CSMD1: variants seen among roughly 807,000 people sequenced by gnomAD.
CSMD1 encodes CUB and Sushi multiple domains 1.
CSMD1 carries 213 observed loss-of-function variants against 417.5 expected under a neutral mutation model. The ratio of observed to expected loss-of-function variants is 0.51; its 90% CI spans 0.46 to 0.57. The LOEUF is 0.57. Ranked by LOEUF, CSMD1 falls within the 20% of genes least tolerant of loss-of-function variation. CSMD1 has a pLI of 0.00. For missense variants in CSMD1, 6,923 were observed against 4,529.7 expected (o/e 1.53, Z -15.17); for synonymous variants, 2,862 against 1,736.8 (o/e 1.65, Z -16.11).
chr8:4,857,509 T>C (rs894219042), intron 1 of CSMD1, among the ~76,000 whole-genome samples: 7 of 152,040 alleles, frequency 4.6e-5, no homozygotes, highest in African/African-American at 9.7e-5. Context: ...ACAAAATTGA[T>C]AGACCGCTAG....
At chr8:4,047,925 G>A (rs144047111) in intron 3 of CSMD1, among the ~76,000 whole-genome samples, 1 of 152,062 alleles carries the variant, frequency 6.6e-6, no homozygotes, top group Non-Finnish European at 1.5e-5. Context: ...ATAAAAATTA[G>A]GATTGTTTTC....
At position 4,354,796 on chromosome 8, in the gene CSMD1, G is replaced by C. The variant is rs182875762; in HGVS notation, c.415+65157C>G. ...CCTCCCAGAAAAATGAAAGCAAAAA[G>C]TTTATCAAACTTAGTATTATACCTG... is the stretch of plus-strand genomic sequence containing the variant. On this transcript the variant is annotated intron_variant, in intron 3 of 69. Coordinates refer to ENST00000635120, the MANE Select transcript of CSMD1 (RefSeq NM_033225.6). Among the ~76,000 whole-genome samples, 871 of 151,192 alleles carry C rather than the reference G, an allele frequency of 5.8e-3. 6 individuals are homozygous for C. The highest frequency in any genetic ancestry group is 9.7e-3 in the Non-Finnish European group (661 of 67,848).
chr8:4,105,533 A>G (rs1046197150), intron 3 of CSMD1, among the ~76,000 whole-genome samples: 5 of 152,192 alleles, frequency 3.3e-5, no homozygotes, highest in African/African-American at 9.7e-5. Flanking sequence ...TTTCTGCTGG[A>G]TGCAGACAAT....
chr8:3,703,400 G>A lies in CSMD1; in HGVS notation c.1009+5014C>T, dbSNP rs570820153. ...AGGCATAAATGAAAGAATCTATAGG[G>A]CTTTTGTTCCAAAGCACAGAGATTC... On this transcript the variant is annotated intron_variant, in intron 7 of 69. Coordinates refer to ENST00000635120, the MANE Select transcript of CSMD1 (RefSeq NM_033225.6). Among the ~76,000 whole-genome samples, 17 of 90,630 alleles carry A rather than the reference G, an allele frequency of 1.9e-4. No individual in the cohort carries two copies. In the East Asian group the frequency reaches 5.7e-3, roughly 31 times the overall value. The allele number at this position is 90,630 out of a possible 152,430, so 59.5% of individuals were successfully genotyped here.
At chr8:4,876,734 G>C (rs1803064426) in intron 1 of CSMD1, among the ~76,000 whole-genome samples, 1 of 151,964 alleles carries the variant, frequency 6.6e-6, no homozygotes, top group Non-Finnish European at 1.5e-5. Context: ...CCTCTTTCTT[G>C]TGTGCTGAGT....
chr8:3,984,002 C>A (rs1018088833), intron 5 of CSMD1, among the ~76,000 whole-genome samples: 1 of 148,280 alleles, frequency 6.7e-6, no homozygotes, highest in Non-Finnish European at 1.5e-5. Flanking sequence ...CAGGGCAGAT[C>A]TGATGGGGCT....
chr8:4,141,552 A>G (rs1803791588), intron 3 of CSMD1, among the ~76,000 whole-genome samples: 1 of 151,180 alleles, frequency 6.6e-6, no homozygotes, highest in Non-Finnish European at 1.5e-5. Flanking sequence ...AGGGGTTAAG[A>G]AGCTCTTACA....
intron 3 of CSMD1, among the ~76,000 whole-genome samples, chr8:4,065,841 A>G (rs891058683): frequency 3.3e-5 from 5 of 152,224 alleles, no homozygotes; most frequent in African/African-American, 1.2e-4. Flanking sequence ...AATATATTTT[A>G]AAACACACAC....
intron 46 of CSMD1, among the ~76,000 whole-genome samples, chr8:3,104,920 G>A (rs1488857975): frequency 4.6e-5 from 7 of 151,980 alleles, no homozygotes; most frequent in African/African-American, 1.4e-4. Flanking sequence ...TGGTCAGGCT[G>A]GTCTCGACCT....
chr8:4,268,758 A>C (rs1338483577), intron 3 of CSMD1, among the ~76,000 whole-genome samples: 1 of 152,118 alleles, frequency 6.6e-6, no homozygotes, highest in Non-Finnish European at 1.5e-5. Flanking sequence ...TGCTAAAAAA[A>C]AAACCCACAA....
At chr8:3,441,617 C>A (rs754356749) in intron 12 of CSMD1, among the ~76,000 whole-genome samples, 2 of 151,980 alleles carry the variant, frequency 1.3e-5, no homozygotes, top group Non-Finnish European at 2.9e-5. Flanking sequence ...AACCTCCTAT[C>A]ACCTAATGAC....
At chr8:3,703,733 G>A (rs1349297377) in intron 7 of CSMD1, among the ~76,000 whole-genome samples, 1 of 152,128 alleles carries the variant, frequency 6.6e-6, no homozygotes, top group African/African-American at 2.4e-5. Flanking sequence ...GAAAAAAGCA[G>A]GAGTTTGTTT....
chr8:3,302,935 G>A (rs758731692), intron 25 of CSMD1, among the ~76,000 whole-genome samples: 4 of 152,178 alleles, frequency 2.6e-5, no homozygotes, highest in Non-Finnish European at 5.9e-5. Flanking sequence ...TCTCCTACAT[G>A]TCTGGTAAGG....
chr8:4,251,626 C>G (rs555896018), intron 3 of CSMD1, among the ~76,000 whole-genome samples: 4 of 152,182 alleles, frequency 2.6e-5, no homozygotes, highest in African/African-American at 9.7e-5. Context: ...GGATATTACA[C>G]ACTGGCAGCT....
At chr8:3,198,851 C>G (rs545473292) in intron 33 of CSMD1, among the ~76,000 whole-genome samples, 1 of 152,160 alleles carries the variant, frequency 6.6e-6, no homozygotes, top group Non-Finnish European at 1.5e-5. Context: ...TTCTCCAGAT[C>G]TGAAGAAAAT....
chr8:2,951,930 A>C (rs1802665004), intron 65 of CSMD1, among the ~76,000 whole-genome samples: 1 of 152,202 alleles, frequency 6.6e-6, no homozygotes, highest in Non-Finnish European at 1.5e-5. Flanking sequence ...TTTCTTTTAT[A>C]CATGTCTTTT....
intron 5 of CSMD1, among the ~76,000 whole-genome samples, chr8:3,812,180 T>C (rs1456877181): frequency 6.6e-6 from 1 of 152,208 alleles, no homozygotes; most frequent in Non-Finnish European, 1.5e-5. Context: ...GTGAGTTGTT[T>C]AATAAAAGAG....
At chr8:3,049,518 T>C (rs11990505) in intron 50 of CSMD1, among the ~76,000 whole-genome samples, 45,207 of 151,768 alleles carry the variant, frequency 0.3, 6,877 homozygotes, top group East Asian at 0.36. Flanking sequence ...ATATATGACA[T>C]TCTAGTAAAG....
chr8:4,033,664 G>T (rs12678299), intron 3 of CSMD1, among the ~76,000 whole-genome samples: 2 of 152,014 alleles, frequency 1.3e-5, no homozygotes, highest in East Asian at 1.9e-4. Flanking sequence ...GGCCACTGAT[G>T]ACTCGTATTT....
Sources: gnomAD v4.1 joint callset for allele counts (sites outside exome capture counted in the v4.1 genomes callset) on GRCh38, gnomAD v4.1.1 for gene constraint, MANE v1.5 for transcripts, NCBI Gene and HGNC (gene_info 2026-07-23, HGNC 2026-07-21) for gene names.